Variants in OR7E24 observed in about 807,000 individuals in gnomAD.
OR7E24 encodes the protein olfactory receptor family 7 subfamily E member 24.
For synonymous variants in OR7E24, 130 were observed against 157.5 expected (o/e 0.83, Z 1.31); for missense variants, 385 against 410.3 (o/e 0.94, Z 0.53).
chr19:9,236,435 A>C, the OR7E24 span, among the ~76,000 whole-genome samples: 2 of 151,974 alleles, frequency 1.3e-5, no homozygotes, highest in African/African-American at 4.8e-5. Context: ...GCTTGAACCC[A>C]GGAGGCGGAG....
the OR7E24 span, among the ~76,000 whole-genome samples, chr19:9,241,095 C>A: frequency 6.6e-6 from 1 of 152,338 alleles, no homozygotes; most frequent in Admixed American, 6.5e-5. Context: ...GGATTACAGG[C>A]ATGAGCCATT....
At chr19:9,235,082 G>T in the OR7E24 span, 4 of 631,046 alleles carry the variant, frequency 6.3e-6, no homozygotes, top group Non-Finnish European at 1.1e-5. Flanking sequence ...GCATCCAAGG[G>T]TGATATTGAA....
At chr19:9,221,266 G>T in the OR7E24 span, among the ~76,000 whole-genome samples, 1 of 137,422 alleles carries the variant, frequency 7.3e-6, no homozygotes, top group South Asian at 2.3e-4. Context: ...AGCGAGACTC[G>T]TCTCAAGAAA....
chr19:9,244,220 C>G (rs896544577), upstream of OR7E24, among the ~76,000 whole-genome samples: 2 of 152,168 alleles, frequency 1.3e-5, no homozygotes, highest in African/African-American at 2.4e-5. Flanking sequence ...ATGTACAATT[C>G]TAAGGTAAAT....
At chr19:9,235,847 A>G in the OR7E24 span, 2 of 1,610,944 alleles carry the variant, frequency 1.2e-6, no homozygotes, top group East Asian at 2.2e-5. Flanking sequence ...GAGGGCAAGT[A>G]CAAAGCCTTT....
the OR7E24 span, chr19:9,235,526 A>C: frequency 6.4e-7 from 1 of 1,553,626 alleles, no homozygotes; most frequent in Non-Finnish European, 8.9e-7. Context: ...GCCATCTGCC[A>C]CCCACTGCAG....
At chr19:9,237,308 T>C in the OR7E24 span, among the ~76,000 whole-genome samples, 1 of 151,630 alleles carries the variant, frequency 6.6e-6, no homozygotes, top group Non-Finnish European at 1.5e-5. Flanking sequence ...AATTTATTTA[T>C]TTATTTATTT....
In OR7E24 at chr19:9,252,059, G is replaced by A. The variant is rs762144118; in HGVS notation, c.1016G>A (p.Gly339Glu). Residue 339 changes from glycine (G) to glutamate (E), a missense_variant, in exon 1 of 1, where the codon GGA becomes GAA. Gly to Glu is a moderately conservative substitution (Grantham distance 98, BLOSUM62 -2). Transcript: ENST00000456448. ...CATCTCCATCCTTTTTGTTATATGG[G>A]ATAGAAATGGCAGCAAAATTTAACA... ...SHHLHPFCYM[G>E] 6.2e-7 allele frequency: 1 copy of A among 1,610,362 alleles called. No homozygotes were observed. The highest frequency in any genetic ancestry group is 1.7e-5 in the Admixed American group (1 of 59,846).
upstream of OR7E24, among the ~76,000 whole-genome samples, chr19:9,249,602 A>T (rs1044294537): frequency 1.3e-5 from 2 of 152,202 alleles, no homozygotes; most frequent in East Asian, 3.8e-4. Context: ...TTAGATCAAG[A>T]TACATTTTAG....
chr19:9,221,508 G>A, the OR7E24 span, among the ~76,000 whole-genome samples: 657 of 142,644 alleles, frequency 4.6e-3, 4 homozygotes, highest in African/African-American at 0.017. Context: ...CTGCCACGAC[G>A]CCCGGCTACT....
chr19:9,228,420 A>G, the OR7E24 span, among the ~76,000 whole-genome samples: 1 of 152,022 alleles, frequency 6.6e-6, no homozygotes, highest in South Asian at 2.1e-4. Flanking sequence ...TTTTCAAAAT[A>G]CTCTCCCATA....
the OR7E24 span, chr19:9,211,774 C>CAAAAAAAAAAAAAAAAAAAAA: frequency 1.3e-5 from 1 of 75,930 alleles, no homozygotes; most frequent in African/African-American, 3.8e-5. Flanking sequence ...GACTCCATCT[C>CAAAAAAAAAAAAAAAAAAAAA]AAAAAAAAAA....
chr19:9,214,555 T>C, the OR7E24 span: 10 of 1,614,052 alleles, frequency 6.2e-6, no homozygotes, highest in African/African-American at 5.3e-5. Flanking sequence ...AGGCACCCCA[T>C]GTAGGAGATG....
chr19:9,242,012 G>A, the OR7E24 span, among the ~76,000 whole-genome samples: 2 of 152,050 alleles, frequency 1.3e-5, no homozygotes, highest in African/African-American at 4.8e-5. Flanking sequence ...GAGTTCTCAC[G>A]TGTTGTTTGA....
the OR7E24 span, chr19:9,213,931 T>C: frequency 1.1e-5 from 17 of 1,614,152 alleles, no homozygotes; most frequent in Non-Finnish European, 1.4e-5. Context: ...CTGAGGAGTC[T>C]TTCCAGGGCC....
At chr19:9,221,285 G>A in the OR7E24 span, among the ~76,000 whole-genome samples, 1 of 133,762 alleles carries the variant, frequency 7.5e-6, no homozygotes, top group Non-Finnish European at 1.6e-5. Context: ...AAAAAAAAAT[G>A]TATGTTGTCC....
the OR7E24 span, among the ~76,000 whole-genome samples, chr19:9,228,965 T>C: frequency 6.6e-6 from 1 of 152,234 alleles, no homozygotes; most frequent in South Asian, 2.1e-4. Flanking sequence ...TAAGAGGTGA[T>C]GGGTATGTCC....
At position 9,251,485 on chromosome 19, in the gene OR7E24, C is replaced by G; in HGVS notation, c.442C>G (p.Leu148Val). The change falls in exon 1 of 1, where the codon CTG (leucine) becomes GTG (valine). Residue 148 changes from leucine (L) to valine (V), a missense_variant. By Grantham distance (32) the Leu-to-Val change is conservative. Transcript: ENST00000456448. ...CCGGTTTGTGGCCATCTGTCACCCC[C>G]TGCACTACCGAATCATCATGAACCC... is the stretch of plus-strand genomic sequence containing the variant. ...YDRFVAICHP[L>V]HYRIIMNPRL... 6.2e-7 allele frequency: 1 copy of G among 1,614,146 alleles called. No homozygotes were observed. The highest frequency in any genetic ancestry group is 8.5e-7 in the Non-Finnish European group (1 of 1,180,020).
chr19:9,247,138 G>C (rs1305707874), upstream of OR7E24, among the ~76,000 whole-genome samples: 1 of 152,152 alleles, frequency 6.6e-6, no homozygotes, highest in Non-Finnish European at 1.5e-5. Context: ...GAAGTGAATA[G>C]TACACTCAGG....
Sources: allele counts gnomAD v4.1 joint callset (sites outside exome capture counted in the v4.1 genomes callset), GRCh38; gene constraint gnomAD v4.1.1; transcripts MANE v1.5; gene names NCBI Gene and HGNC (gene_info 2026-07-23, HGNC 2026-07-21).